The following ADCK5 variants were observed in gnomAD, a reference collection of about 807,000 sequenced individuals.
ADCK5 encodes uncharacterized aarF domain-containing protein kinase 5.
Under a neutral mutation model 64.9 loss-of-function variants are expected in ADCK5, and 43 were observed. That is an observed-to-expected ratio of 0.66 (90% CI 0.52 to 0.85). ADCK5 has a LOEUF of 0.85. Ranked by LOEUF, ADCK5 falls within the 40% of genes least tolerant of loss-of-function variation. The pLI is 0.00. For missense variants in ADCK5, 760 were observed against 810.5 expected (o/e 0.94, Z 0.76); for synonymous variants, 434 against 342.8 (o/e 1.27, Z -2.94).
intron 1 of ADCK5, chr8:144,375,454 C>T: frequency 1.0e-6 from 1 of 985,460 alleles, no homozygotes; most frequent in Non-Finnish European, 1.2e-6. Context: ...GTCATCCGTT[C>T]ATGGTTTTTA....
In ADCK5 at chr8:144,390,898, C is replaced by T. The variant is rs1820188760; in HGVS notation, c.385C>T (p.Arg129Trp). Residue 129 changes from arginine to tryptophan, a missense_variant, in exon 5 of 15, where the codon CGG becomes TGG. Physicochemically the swap from Arg to Trp is moderately radical, Grantham distance 101. Coordinates refer to ENST00000308860, the MANE Select transcript of ADCK5 (RefSeq NM_174922.5). ...YLEVMSACHQ[R>W]AADALVAGAI... is the part of the protein sequence containing the mutation. ...GGAGGTGATGTCTGCGTGTCACCAG[C>T]GGGCGGCTGATGCCCTGGTGGCAGG... 1.9e-6 allele frequency: 3 copies of T among 1,612,676 alleles called. No individual in the cohort carries two copies. The highest frequency in any genetic ancestry group is 1.3e-5 in the African/African-American group (1 of 74,932).
intron 2 of ADCK5, among the ~76,000 whole-genome samples, chr8:144,379,747 T>C (rs1462973141): frequency 1.3e-5 from 2 of 152,110 alleles, no homozygotes; most frequent in Middle Eastern, 3.4e-3. Flanking sequence ...AGGGTGCACA[T>C]GGAGCGCCTG....
At chr8:144,385,392 C>T (rs1358467184) in intron 3 of ADCK5, among the ~76,000 whole-genome samples, 8 of 151,614 alleles carry the variant, frequency 5.3e-5, no homozygotes, top group Non-Finnish European at 1.2e-4. Context: ...TCATGTTGGA[C>T]AGGCTGGTCT....
chr8:144,392,482 C>G lies in ADCK5; in HGVS notation c.1305C>G (p.Pro435=), dbSNP rs1032534999. The G allele has an allele frequency of 3.3e-6, 5 of 1,528,504 alleles. No homozygotes were observed. Among genetic ancestry groups the G allele is most frequent in the East Asian group, 2.5e-5 (1 of 40,640 alleles). 94.7% of individuals were successfully genotyped at this position (1,528,504 alleles called of 1,614,324 possible). A position where few individuals can be genotyped will look rare whatever the true frequency, so the allele number is the denominator to read the frequency against. Residue 435 remains proline (P), a synonymous_variant, in exon 13 of 15, where the codon CCC becomes CCG. Transcript: ENST00000308860. The part of the protein sequence containing the change: ...LLFAEMLMQR[P]VRLGQLWGSH... ...TCGCCGAGATGCTCATGCAGCGCCC[C>G]GTGCGCCTGGGGCAGCTGTGGGGCT...
At position 144,391,650 on chromosome 8, in the gene ADCK5, G is replaced by A. The variant is rs1432594913; in HGVS notation, c.869G>A (p.Arg290Gln). 5.8e-6 allele frequency: 9 copies of A among 1,547,966 alleles called. No individual in the cohort carries two copies. Among genetic ancestry groups the A allele is most frequent in the South Asian group, 1.2e-5 (1 of 84,672 alleles). The change falls in exon 8 of 15, where the codon CGG becomes CAG. Residue 290 changes from arginine to glutamine, a missense_variant. By Grantham distance (43) the Arg-to-Gln change is conservative (BLOSUM62 1). Coordinates refer to ENST00000308860, the MANE Select transcript of ADCK5 (RefSeq NM_174922.5). ...GGCCGCAACGCAGAGCGCTGTGCGC[G>A]GGAGCTGGCGCACTTCCCCTACGTC... ...NEGRNAERCA[R>Q]ELAHFPYVVV...
intron 3 of ADCK5, among the ~76,000 whole-genome samples, chr8:144,385,507 G>A (rs1008288501): frequency 4.6e-5 from 7 of 151,208 alleles, no homozygotes; most frequent in East Asian, 4.2e-4. Context: ...ACCACCAGGC[G>A]CGGTGGCTCA....
At chr8:144,392,925 G>T in intron 14 of ADCK5, 33 bp downstream of exon 14, 1 of 1,589,720 alleles carries the variant, frequency 6.3e-7, no homozygotes, top group Non-Finnish European at 8.5e-7. Flanking sequence ...GGTGGCGGGG[G>T]CCTGCTCCCC....
At chr8:144,379,021 C>T (rs1282945176) in intron 1 of ADCK5, among the ~76,000 whole-genome samples, 1 of 151,424 alleles carries the variant, frequency 6.6e-6, no homozygotes, top group African/African-American at 2.4e-5. Flanking sequence ...GCAACCTCTG[C>T]CTCCCGGGTT....
At chr8:144,377,745 G>A (rs1266245110) in intron 1 of ADCK5, among the ~76,000 whole-genome samples, 2 of 152,230 alleles carry the variant, frequency 1.3e-5, no homozygotes, top group East Asian at 1.9e-4. Flanking sequence ...GTCTCAGTAA[G>A]TTGTAAGTTT....
chr8:144,390,853 C>T lies in ADCK5; in HGVS notation c.343-3C>T, dbSNP rs1397957940. 2 of 1,612,342 alleles carry T rather than the reference C, an allele frequency of 1.2e-6. No homozygotes were observed. Among genetic ancestry groups the T allele is most frequent in the Admixed American group, 1.7e-5 (1 of 59,994 alleles). On this transcript the variant is annotated splice_polypyrimidine_tract_variant and splice_region_variant and intron_variant, in intron 4 of 14. Transcript: ENST00000308860. ...CATGTGTTCTCCCCATGCCTGTGGT[C>T]AGAACAGCCCAGGCTACTTGGAGGT...
chr8:144,392,569 G>T lies in ADCK5; in HGVS notation c.1392G>T (p.Glu464Asp), dbSNP rs782757657. The change falls in exon 13 of 15, where the codon GAG becomes GAT. Residue 464 changes from glutamate to aspartate, a missense_variant. Glu to Asp is a conservative substitution (Grantham distance 45). Transcript: ENST00000308860. ...TGGACATGGCCCGCGAGCGCTTCGA[G>T]GCCGTCATGGCGGTGCTCAGGGAGC... ...YMVDMARERF[E>D]AVMAVLRELP... 29 of 1,573,776 alleles carry T rather than the reference G, an allele frequency of 1.8e-5. No individual in the cohort carries two copies. Among genetic ancestry groups the T allele is most frequent in the Non-Finnish European group, 2.3e-5 (27 of 1,165,424 alleles).
chr8:144,391,855 G>A lies in ADCK5; in HGVS notation c.1003G>A (p.Ala335Thr). ...GGAGGCCATCAGGAGCCAGGGGCTG[G>A]CAGTGCATGACGTGAGTGCGGGGGG... The part of the protein sequence containing the change: ...DVEAIRSQGL[A>T]VHDIAEKLIK... The change falls in exon 9 of 15, where the codon GCA becomes ACA. Residue 335 changes from alanine to threonine, a missense_variant. Physicochemically the swap from Ala to Thr is moderately conservative, Grantham distance 58. Around this residue, in one of 2 missense-constraint regions of ADCK5, gnomAD observed 427 missense variants for 518.4 expected, o/e 0.82. Transcript: ENST00000308860. 1 of 1,558,282 alleles carries A rather than the reference G, an allele frequency of 6.4e-7. No individual in the cohort carries two copies. The highest frequency in any genetic ancestry group is 8.6e-7 in the Non-Finnish European group (1 of 1,156,658).
At chr8:144,388,856 G>A (rs1223371590) in intron 3 of ADCK5, among the ~76,000 whole-genome samples, 8 of 152,168 alleles carry the variant, frequency 5.3e-5, no homozygotes, top group African/African-American at 1.9e-4. Flanking sequence ...GAATGGCCGG[G>A]GGGTCGCCCT....
Position 144,392,632 on chromosome 8 carries a change from C to T in ADCK5, c.1455C>T (p.Asn485=). The T allele has an allele frequency of 6.3e-7, 1 of 1,594,542 alleles. No individual in the cohort carries two copies. The highest frequency in any genetic ancestry group is 8.5e-7 in the Non-Finnish European group (1 of 1,173,956). Reference sequence around the variant, plus strand: ...TGCTGCTGGTGCTGCGCAACATCAACACCGTGCGCGCTATCAACGTGGCCC... The same window carrying T: ...TGCTGCTGGTGCTGCGCAACATCAATACCGTGCGCGCTATCAACGTGGCCC... ...RPMLLVLRNI[N]TVRAINVALG... Residue 485 remains asparagine, a synonymous_variant, in exon 13 of 15, where the codon AAC becomes AAT. Coordinates refer to ENST00000308860, the MANE Select transcript of ADCK5 (RefSeq NM_174922.5).
At chr8:144,386,335 T>A (rs958209039) in intron 3 of ADCK5, among the ~76,000 whole-genome samples, 30 of 151,478 alleles carry the variant, frequency 2.0e-4, no homozygotes, top group African/African-American at 2.7e-4. Flanking sequence ...TTTTTTAAAA[T>A]TTTTTAATTT....
In ADCK5 at chr8:144,383,108, G is replaced by C. The variant is rs782127102; in HGVS notation, c.144G>C (p.Arg48Ser). The C allele has an allele frequency of 6.3e-7, 1 of 1,588,626 alleles. No individual in the cohort carries two copies. The highest frequency in any genetic ancestry group is 8.6e-7 in the Non-Finnish European group (1 of 1,167,680). Reference sequence around the variant, plus strand: ...TCTCCAGCCCCACACCCCTGTGGAGGAAGGTGCTCTCCACCGCGGTAGTGG... The same window carrying C: ...TCTCCAGCCCCACACCCCTGTGGAGCAAGGTGCTCTCCACCGCGGTAGTGG... ...PRFSSPTPLW[R>S]KVLSTAVVGA... is the part of the protein sequence containing the mutation. The change falls in exon 3 of 15, where the codon AGG becomes AGC. Residue 48 changes from arginine (R) to serine (S), a missense_variant. Around this residue, in one of 2 missense-constraint regions of ADCK5, gnomAD observed 427 missense variants for 518.4 expected, o/e 0.82. Transcript: ENST00000308860.
intron 2 of ADCK5, among the ~76,000 whole-genome samples, chr8:144,381,499 C>T (rs1819638835): frequency 1.4e-5 from 2 of 139,726 alleles, no homozygotes; most frequent in African/African-American, 2.9e-5. Flanking sequence ...CAGATGTGTG[C>T]TCAGGCCCCT....
At position 144,393,018 on chromosome 8, in the gene ADCK5, G is replaced by C; in HGVS notation, c.1687G>C (p.Val563Leu). Residue 563 changes from valine to leucine, a missense_variant, in exon 15 of 15, where the codon GTC becomes CTC. Val to Leu is a conservative substitution (Grantham distance 32). Coordinates refer to ENST00000308860, the MANE Select transcript of ADCK5 (RefSeq NM_174922.5). Reference protein sequence around the residue: ...RLTALLARALVHLSLVPPAEE... With the variant: ...RLTALLARALLHLSLVPPAEE... Reference sequence around the variant, plus strand: ...GACCGCCCTCCTGGCTCGTGCTCTGGTCCACCTGAGCCTCGTGCCCCCAGC... The same window carrying C: ...GACCGCCCTCCTGGCTCGTGCTCTGCTCCACCTGAGCCTCGTGCCCCCAGC... The C allele has an allele frequency of 6.3e-7, 1 of 1,591,636 alleles. No homozygotes were observed.
chr8:144,392,939 CACCT>C (rs782726942), intron 14 of ADCK5, 26 bp from the exon 15 acceptor site: 15 of 1,585,020 alleles, frequency 9.5e-6, no homozygotes, highest in African/African-American at 2.7e-5. Context: ...GCTCCCCACC[CACCT>C]GTGACCTGTG....
Sources: allele counts gnomAD v4.1 joint callset (sites outside exome capture counted in the v4.1 genomes callset), GRCh38; gene constraint gnomAD v4.1.1; regional missense constraint gnomAD v4.1.1; transcripts MANE v1.5; gene names NCBI Gene and HGNC (gene_info 2026-07-23, HGNC 2026-07-21).